KMT2E: variants seen among roughly 807,000 people sequenced by gnomAD.
KMT2E encodes lysine methyltransferase 2E (inactive).
A neutral mutation model predicts 184.6 loss-of-function variants in KMT2E; 30 were observed. That is an observed-to-expected ratio of 0.16 (90% CI 0.12 to 0.22). The LOEUF (loss-of-function observed/expected upper bound fraction) is 0.22, where lower values mean the gene tolerates loss of function less well. Among genes scored for constraint, KMT2E ranks in the 10% least tolerant of loss-of-function variants. KMT2E has a pLI of 1.00. For missense variants in KMT2E, 2,023 were observed against 2,237.4 expected, an observed-to-expected ratio of 0.90 and a Z score of 1.93; for synonymous variants, 815 against 776.5, an observed-to-expected ratio of 1.05 and a Z score of -0.82.
Position 105,107,643 on chromosome 7 carries a change from A to G in KMT2E, c.3186A>G (p.Thr1062=), listed in dbSNP as rs1417978685. ...QLDSTHSGRG[T]MYSSWVKSPD... is the part of the protein sequence containing the mutation. ...ACTCGACTCACTCTGGACGGGGCAC[A>G]ATGTATTCTTCCTGGGTAAAGAGCC... Residue 1062 remains threonine, a synonymous_variant, in exon 22 of 27, where the codon ACA becomes ACG. Transcript: ENST00000311117. The G allele has an allele frequency of 1.4e-5, 23 of 1,614,034 alleles. No homozygotes were observed. Among genetic ancestry groups the G allele is most frequent in the Non-Finnish European group, 1.8e-5 (21 of 1,180,028 alleles).
chr7:105,030,846 A>G (rs1795380798), intron 1 of KMT2E, among the ~76,000 whole-genome samples: 3 of 152,350 alleles, frequency 2.0e-5, no homozygotes, highest in Non-Finnish European at 2.9e-5. Flanking sequence ...GGAAGTATTC[A>G]TTGCCCAGGT....
intron 13 of KMT2E, among the ~76,000 whole-genome samples, chr7:105,089,626 T>C (rs767728227): frequency 5.3e-5 from 8 of 152,224 alleles, no homozygotes; most frequent in Non-Finnish European, 8.8e-5. Context: ...AAATTACTTT[T>C]AGCCTATATG....
intron 1 of KMT2E, among the ~76,000 whole-genome samples, chr7:105,035,176 C>G (rs1418936781): frequency 1.3e-5 from 2 of 151,990 alleles, no homozygotes; most frequent in East Asian, 3.9e-4. Context: ...AGGCGCCCAC[C>G]ACCAAGCCTG....
At position 105,101,449 on chromosome 7, in the gene KMT2E, G is replaced by A; in HGVS notation, c.1747G>A (p.Ala583Thr). Reference protein sequence around the residue: ...KMTREERKMEAILQAFARLEK... With the variant: ...KMTREERKMETILQAFARLEK... ...GACAAGAGAAGAAAGAAAAATGGAA[G>A]CAATTTTGCAAGCTTTTGCCAGACT... The change falls in exon 16 of 27, where the codon GCA becomes ACA. Residue 583 changes from alanine to threonine, a missense_variant. Physicochemically the swap from Ala to Thr is moderately conservative, Grantham distance 58. Around this residue, in one of 8 missense-constraint regions of KMT2E, gnomAD observed 514 missense variants for 621.8 expected, o/e 0.83. Coordinates refer to ENST00000311117, the MANE Select transcript of KMT2E (RefSeq NM_182931.3). The A allele has an allele frequency of 6.4e-7, 1 of 1,559,054 alleles. No homozygotes were observed. Among genetic ancestry groups the A allele is most frequent in the South Asian group, 1.2e-5 (1 of 81,790 alleles).
intron 11 of KMT2E, among the ~76,000 whole-genome samples, chr7:105,078,193 A>C (rs1797610661): frequency 6.6e-6 from 1 of 152,216 alleles, no homozygotes; most frequent in African/African-American, 2.4e-5. Context: ...TTTTAAATGC[A>C]CCAGGAAATG....
intron 15 of KMT2E, among the ~76,000 whole-genome samples, chr7:105,097,373 G>T (rs1360632735): frequency 6.6e-6 from 1 of 151,968 alleles, no homozygotes; most frequent in Admixed American, 6.6e-5. Flanking sequence ...TAGTGAAAGG[G>T]AACCTGTTTA....
At chr7:105,098,251 T>TA (rs1554398703) in intron 15 of KMT2E, among the ~76,000 whole-genome samples, 1 of 142,146 alleles carries the variant, frequency 7.0e-6, no homozygotes, top group Admixed American at 7.0e-5. Context: ...TTTTTTTTTT[T>TA]AGATAAAGAC....
intron 3 of KMT2E, among the ~76,000 whole-genome samples, chr7:105,046,884 C>T (rs1796129476): frequency 1.3e-5 from 2 of 152,246 alleles, no homozygotes; most frequent in African/African-American, 4.8e-5. Flanking sequence ...GTTGATGTGT[C>T]AAATGTGATC....
chr7:105,094,125 CAATTAGT>C (rs1394956572), intron 15 of KMT2E, among the ~76,000 whole-genome samples: 1 of 152,100 alleles, frequency 6.6e-6, no homozygotes, highest in African/African-American at 2.4e-5. Context: ...GATTCCTAAG[CAATTAGT>C]AGAGTTCCCC....
In KMT2E at chr7:105,040,901, G is replaced by A; in HGVS notation, c.-52G>A. The A allele has an allele frequency of 7.3e-7, 1 of 1,373,056 alleles. No homozygotes were observed. The highest frequency in any genetic ancestry group is 1.0e-6 in the Non-Finnish European group (1 of 969,672). 85.1% of individuals were successfully genotyped at this position (1,373,056 alleles called of 1,614,324 possible). A position where few individuals can be genotyped will look rare whatever the true frequency, so the allele number is the denominator to read the frequency against. ...GTGGCTGGCATGCCCCAGTGTTTTG[G>A]ATACCAATGCATAGGACTCCATAGT... On this transcript the variant is annotated 5_prime_UTR_variant, in exon 3 of 27. An upstream open reading frame in the 5' UTR gains an earlier in-frame stop. Coordinates refer to ENST00000311117, the MANE Select transcript of KMT2E (RefSeq NM_182931.3).
chr7:105,104,970 C>T (rs1261372583), intron 17 of KMT2E: 2 of 152,472 alleles, frequency 1.3e-5, no homozygotes, highest in African/African-American at 4.8e-5. Context: ...GGGGTTGAGA[C>T]CAGCCTGGGC....
intron 5 of KMT2E, 144 bp from the exon 6 acceptor site, chr7:105,066,583 G>A (rs1023592278): frequency 2.3e-5 from 13 of 564,072 alleles, no homozygotes; most frequent in Admixed American, 1.2e-4. Context: ...TTGAAGACAC[G>A]TTTCTATGAA....
chr7:105,047,728 G>T (rs1002310660), intron 3 of KMT2E, among the ~76,000 whole-genome samples: 2 of 152,138 alleles, frequency 1.3e-5, no homozygotes, highest in African/African-American at 2.4e-5. Flanking sequence ...TGATATTCCT[G>T]GTCTATTTTA....
intron 1 of KMT2E, among the ~76,000 whole-genome samples, chr7:105,025,764 C>T (rs1388473659): frequency 1.3e-5 from 2 of 152,016 alleles, no homozygotes; most frequent in East Asian, 3.9e-4. Flanking sequence ...ACTGTTTAAA[C>T]GCAAACTAAG....
chr7:105,070,570 G>T (rs1797241007), intron 6 of KMT2E, among the ~76,000 whole-genome samples: 1 of 148,384 alleles, frequency 6.7e-6, no homozygotes, highest in African/African-American at 2.5e-5. Context: ...GGAGGCAGAG[G>T]TTGCAGTGAG....
At chr7:105,036,711 G>T (rs746218407) in intron 1 of KMT2E, among the ~76,000 whole-genome samples, 5 of 152,176 alleles carry the variant, frequency 3.3e-5, no homozygotes, top group African/African-American at 4.8e-5. Flanking sequence ...GGAAGTTTGA[G>T]TATCAGATAA....
chr7:105,098,141 G>A (rs1007874392), intron 15 of KMT2E, among the ~76,000 whole-genome samples: 1 of 151,670 alleles, frequency 6.6e-6, no homozygotes, highest in African/African-American at 2.4e-5. Context: ...AGGGTAACAA[G>A]TTTTTTTGAG....
At chr7:105,045,492 T>C (rs1796066796) in intron 3 of KMT2E, among the ~76,000 whole-genome samples, 1 of 152,200 alleles carries the variant, frequency 6.6e-6, no homozygotes, top group African/African-American at 2.4e-5. Flanking sequence ...TATTGTAGTT[T>C]CTATCTTTAT....
intron 3 of KMT2E, among the ~76,000 whole-genome samples, chr7:105,054,514 ATCTG>A (rs975762973): frequency 6.5e-5 from 9 of 137,460 alleles, no homozygotes; most frequent in African/African-American, 1.6e-4. Context: ...CTATCTATCT[ATCTG>A]TCTGTCTGTC....
Sources: allele counts gnomAD v4.1 joint callset (sites outside exome capture counted in the v4.1 genomes callset), GRCh38; gene constraint gnomAD v4.1.1; regional missense constraint gnomAD v4.1.1; transcripts MANE v1.5; gene names NCBI Gene and HGNC (gene_info 2026-07-23, HGNC 2026-07-21).